The following SDCCAG8 variants were observed in gnomAD, a reference collection of about 807,000 sequenced individuals.
SDCCAG8 encodes the protein SHH signaling and ciliogenesis regulator SDCCAG8.
A neutral mutation model predicts 101.8 loss-of-function variants in SDCCAG8; 74 were observed. The observed-to-expected ratio is 0.73, with a 90% CI of 0.60 to 0.88. The LOEUF is 0.88. Ranked by LOEUF, SDCCAG8 falls within the 40% of genes least tolerant of loss-of-function variation. SDCCAG8 has a pLI of 0.00. For missense variants in SDCCAG8, 787 were observed against 822.6 expected (o/e 0.96, Z 0.53); for synonymous variants, 281 against 292.9 (o/e 0.96, Z 0.41).
chr1:243,256,185 C>T lies in SDCCAG8; in HGVS notation c.12C>T (p.Ser4=), dbSNP rs577033259. 36 of 1,614,058 alleles carry T rather than the reference C, an allele frequency of 2.2e-5. No individual in the cohort carries two copies. Among genetic ancestry groups the T allele is most frequent in the Middle Eastern group, 1.6e-4 (1 of 6,084 alleles). The change falls in exon 1 of 18, where the codon TCC becomes TCT. Residue 4 remains serine, a synonymous_variant. Coordinates refer to ENST00000366541, the MANE Select transcript of SDCCAG8 (RefSeq NM_006642.5). ...CCTAGAGTGCGTGCATGGCGAAGTC[C>T]CCGGAGAACTCTACCCTGGAGGAGA... MAK[S]PENSTLEEIL... is the part of the protein sequence containing the mutation.
In SDCCAG8 at chr1:243,427,907, G is replaced by A. The variant is rs147607966; in HGVS notation, c.1985+1349G>A. Reference sequence around the variant, plus strand: ...TAAAGGGCCAGAGAGTAAATATTTCGGACTTTGCAGGCCACACGTGGTCTC... The same window carrying A: ...TAAAGGGCCAGAGAGTAAATATTTCAGACTTTGCAGGCCACACGTGGTCTC... On this transcript the variant is annotated intron_variant, in intron 16 of 17. Coordinates refer to ENST00000366541, the MANE Select transcript of SDCCAG8 (RefSeq NM_006642.5). Among the ~76,000 whole-genome samples the A allele has an allele frequency of 7.8e-4, 119 of 152,202 alleles. 1 individual carries two copies. Among genetic ancestry groups the A allele is most frequent in the African/African-American group, 2.8e-3 (115 of 41,530 alleles).
intron 6 of SDCCAG8, among the ~76,000 whole-genome samples, chr1:243,298,529 C>T (rs2071191127): frequency 1.3e-5 from 2 of 152,136 alleles, no homozygotes; most frequent in Non-Finnish European, 2.9e-5. Context: ...GTTGGCCAGG[C>T]TGGTCTTGAA....
intron 10 of SDCCAG8, among the ~76,000 whole-genome samples, chr1:243,338,461 C>A (rs2802729): frequency 0.45 from 67,681 of 149,810 alleles, 15,355 homozygotes; most frequent in South Asian, 0.56. Context: ...GGGAAGCTGT[C>A]GGAGAACAGA....
chr1:243,424,628 GAATAATAAGTA>G, intron 15 of SDCCAG8, among the ~76,000 whole-genome samples: 1 of 152,018 alleles, frequency 6.6e-6, no homozygotes, highest in East Asian at 1.9e-4. Flanking sequence ...CACATTATCA[GAATAATAAGTA>G]ACATAACCAA....
At chr1:243,408,000 A>G (rs1462590031) in intron 13 of SDCCAG8, among the ~76,000 whole-genome samples, 3 of 152,214 alleles carry the variant, frequency 2.0e-5, no homozygotes, top group East Asian at 1.9e-4. Context: ...CTTCTGAAAC[A>G]TGGAAGACAT....
intron 9 of SDCCAG8, among the ~76,000 whole-genome samples, chr1:243,326,736 A>G (rs1045113174): frequency 1.3e-5 from 2 of 152,184 alleles, no homozygotes; most frequent in Non-Finnish European, 2.9e-5. Flanking sequence ...TTTTCATAAG[A>G]TCTTAATTCC....
At chr1:243,345,768 A>G (rs1473477820) in intron 12 of SDCCAG8, among the ~76,000 whole-genome samples, 1 of 87,342 alleles carries the variant, frequency 1.1e-5, no homozygotes, top group African/African-American at 4.8e-5. Flanking sequence ...GTAAAGGAAT[A>G]ACTTGTTTAG....
chr1:243,446,754 T>G (rs2082937634), intron 16 of SDCCAG8, among the ~76,000 whole-genome samples: 1 of 152,098 alleles, frequency 6.6e-6, no homozygotes, highest in Non-Finnish European at 1.5e-5. Context: ...TCGGCCACTG[T>G]TCAGCCTGGA....
intron 9 of SDCCAG8, 56 bp downstream of exon 9, chr1:243,316,949 CTGAG>C (rs927652402): frequency 4.6e-5 from 71 of 1,552,192 alleles, no homozygotes; most frequent in Non-Finnish European, 6.1e-5. Context: ...CTTTTTTCTT[CTGAG>C]TATTTATTTG....
At chr1:243,300,489 C>T (rs1302463272) in intron 6 of SDCCAG8, among the ~76,000 whole-genome samples, 1 of 152,074 alleles carries the variant, frequency 6.6e-6, no homozygotes, top group Non-Finnish European at 1.5e-5. Flanking sequence ...TTTCAGTGGC[C>T]CTCCAGTGTT....
At chr1:243,268,207 C>T in intron 1 of SDCCAG8, 1 of 490,534 alleles carries the variant, frequency 2.0e-6, no homozygotes, top group South Asian at 2.2e-5. Context: ...CAAACTGTCT[C>T]GTTCCTTTCT....
At chr1:243,259,464 T>C (rs1206899541) in intron 1 of SDCCAG8, among the ~76,000 whole-genome samples, 3 of 152,126 alleles carry the variant, frequency 2.0e-5, no homozygotes, top group African/African-American at 7.2e-5. Context: ...ATGTTGGTAC[T>C]ATTATGGTAT....
chr1:243,270,988 C>G lies in SDCCAG8; in HGVS notation c.231C>G (p.Leu77=). The stretch of plus-strand genomic sequence containing the variant: ...GCTTTTGCTCTATAGTTAATCAGCT[C>G]AAAGATTTGTTGCGCCAACAAGCAG... ...ELQQSHAVNQ[L]KDLLRQQADK... Residue 77 remains leucine, a synonymous_variant, in exon 3 of 18, where the codon CTC becomes CTG. Transcript: ENST00000366541. 6.2e-7 allele frequency: 1 copy of G among 1,612,798 alleles called. No homozygotes were observed. Among genetic ancestry groups the G allele is most frequent in the Non-Finnish European group, 8.5e-7 (1 of 1,179,082 alleles).
chr1:243,384,327 G>T (rs1029199132), intron 13 of SDCCAG8, among the ~76,000 whole-genome samples: 1 of 152,120 alleles, frequency 6.6e-6, no homozygotes, highest in African/African-American at 2.4e-5. Flanking sequence ...GCTCAGTACT[G>T]CTATACAAAT....
chr1:243,452,508 G>T (rs2083446436), intron 16 of SDCCAG8, among the ~76,000 whole-genome samples: 1 of 138,932 alleles, frequency 7.2e-6, no homozygotes, highest in South Asian at 2.3e-4. Context: ...CTGCAGCCTC[G>T]AACTCCTGGC....
intron 13 of SDCCAG8, among the ~76,000 whole-genome samples, chr1:243,408,025 A>G (rs1336410887): frequency 6.6e-6 from 1 of 152,178 alleles, no homozygotes; most frequent in Non-Finnish European, 1.5e-5. Context: ...CTGTCTACCA[A>G]TTTTATTATT....
chr1:243,313,258 T>C (rs575077318), intron 8 of SDCCAG8, among the ~76,000 whole-genome samples: 51 of 152,340 alleles, frequency 3.3e-4, no homozygotes, highest in African/African-American at 1.2e-3. Context: ...GTAACACTTA[T>C]TAGTGATACC....
At chr1:243,435,691 C>G (rs12049124) in intron 16 of SDCCAG8, among the ~76,000 whole-genome samples, 1 of 151,940 alleles carries the variant, frequency 6.6e-6, no homozygotes, top group South Asian at 2.1e-4. Flanking sequence ...TTTTGGACCA[C>G]GACTTGGGAT....
chr1:243,499,265 T>C (rs1357873004), intron 17 of SDCCAG8, among the ~76,000 whole-genome samples: 1 of 152,228 alleles, frequency 6.6e-6, no homozygotes, highest in African/African-American at 2.4e-5. Context: ...TACTTTTTCA[T>C]AGGTTACAAT....
Sources: allele counts gnomAD v4.1 joint callset (sites outside exome capture counted in the v4.1 genomes callset), GRCh38; gene constraint gnomAD v4.1.1; transcripts MANE v1.5; gene names NCBI Gene and HGNC (gene_info 2026-07-23, HGNC 2026-07-21).